The following CMSS1 variants were observed in gnomAD, a reference collection of about 807,000 sequenced individuals.
CMSS1 encodes the protein protein CMSS1.
CMSS1 carries 33 observed loss-of-function variants against 43.5 expected under a neutral mutation model. That is an observed-to-expected ratio of 0.76 (90% CI 0.57 to 1.01). The LOEUF (loss-of-function observed/expected upper bound fraction) is 1.01. Among genes scored for constraint, CMSS1 ranks in the 50% least tolerant of loss-of-function variants. The pLI is 0.00. For synonymous variants in CMSS1, 115 were observed against 117.2 expected (o/e 0.98, Z 0.12); for missense variants, 313 against 326.4 (o/e 0.96, Z 0.32).
intron 1 of CMSS1, among the ~76,000 whole-genome samples, chr3:99,934,478 A>G (rs1414087635): frequency 1.3e-5 from 2 of 152,280 alleles, no homozygotes; most frequent in African/African-American, 4.8e-5. Flanking sequence ...TCTTGCCCAC[A>G]TAGTCCTGTG....
intron 2 of CMSS1, among the ~76,000 whole-genome samples, chr3:100,148,261 T>G (rs949601511): frequency 6.6e-6 from 1 of 152,078 alleles, no homozygotes; most frequent in African/African-American, 2.4e-5. Flanking sequence ...TATCTTTTTG[T>G]AGAGATGAGA....
intron 1 of CMSS1, among the ~76,000 whole-genome samples, chr3:100,035,301 T>A (rs369549527): frequency 2.0e-5 from 3 of 152,150 alleles, no homozygotes; most frequent in East Asian, 3.8e-4. Context: ...TGAGACACAG[T>A]CTCACTCTGT....
chr3:99,927,684 A>G (rs1473880928), intron 1 of CMSS1, among the ~76,000 whole-genome samples: 4 of 152,166 alleles, frequency 2.6e-5, no homozygotes, highest in Non-Finnish European at 4.4e-5. Context: ...TTTCTATAAT[A>G]TATTTTTTGG....
Position 99,909,830 on chromosome 3 carries a change from T to C in CMSS1, c.64+91787T>C, listed in dbSNP as rs191754961. 7.9e-5 allele frequency among the ~76,000 whole-genome samples: 12 copies of C among 152,330 alleles called. No individual in the cohort carries two copies. In the East Asian group the frequency reaches 2.3e-3, roughly 29 times the overall value. On this transcript the variant is annotated intron_variant, in intron 1 of 9. Transcript: ENST00000421999. The stretch of plus-strand genomic sequence containing the variant: ...CTGCCTATTGAATTCTGAAATTGCA[T>C]GGAGAGTAGGTGATGAAAGTCACAG...
chr3:100,060,342 C>T (rs1264168966), intron 1 of CMSS1, among the ~76,000 whole-genome samples: 2 of 152,152 alleles, frequency 1.3e-5, no homozygotes, highest in Non-Finnish European at 2.9e-5. Flanking sequence ...ACCTCCTCTT[C>T]CATCCCTTTA....
Position 99,985,754 on chromosome 3 carries a change from G to T in CMSS1, c.65-161219G>T, listed in dbSNP as rs1029846946. ...CAGGCACCTGCTACCATGCCCAGCT[G>T]GTTTTTGTATTTTTACTAGAGATGG... On this transcript the variant is annotated intron_variant, in intron 1 of 9. Transcript: ENST00000421999. 3.3e-5 allele frequency among the ~76,000 whole-genome samples: 5 copies of T among 151,942 alleles called. No individual in the cohort carries two copies. The South Asian group carries it at 1.0e-3, about 32-fold the overall frequency.
At chr3:100,058,827 T>C (rs113367742) in intron 1 of CMSS1, among the ~76,000 whole-genome samples, 1 of 152,222 alleles carries the variant, frequency 6.6e-6, no homozygotes, top group Admixed American at 6.5e-5. Flanking sequence ...CAGTTTCATA[T>C]GTGAAGTTTA....
At chr3:99,866,478 G>A (rs111358437) in intron 1 of CMSS1, among the ~76,000 whole-genome samples, 1 of 152,170 alleles carries the variant, frequency 6.6e-6, no homozygotes, top group Non-Finnish European at 1.5e-5. Flanking sequence ...ATAGAAACAG[G>A]ATGGATAGCA....
intron 1 of CMSS1, among the ~76,000 whole-genome samples, chr3:99,878,521 TG>T (rs1423250889): frequency 6.6e-6 from 1 of 152,246 alleles, no homozygotes; most frequent in African/African-American, 2.4e-5. Context: ...CCTAATAGTT[TG>T]TTCAGAATCT....
At chr3:100,154,008 G>A (rs1416981572) in intron 2 of CMSS1, among the ~76,000 whole-genome samples, 1 of 151,898 alleles carries the variant, frequency 6.6e-6, no homozygotes, top group Non-Finnish European at 1.5e-5. Context: ...CTGCCATCAT[G>A]CCTGGCCAAT....
intron 1 of CMSS1, chr3:100,141,613 C>T (rs747690849): frequency 4.4e-6 from 2 of 452,368 alleles, no homozygotes; most frequent in Non-Finnish European, 8.9e-6. Flanking sequence ...ACTTCAGATA[C>T]TTATCAAAAA....
chr3:99,978,814 G>A (rs1260567856), intron 1 of CMSS1, among the ~76,000 whole-genome samples: 1 of 152,106 alleles, frequency 6.6e-6, no homozygotes, highest in Non-Finnish European at 1.5e-5. Flanking sequence ...GAACCCAGGA[G>A]GCGGAGGCTG....
intron 1 of CMSS1, among the ~76,000 whole-genome samples, chr3:99,932,834 T>G (rs956046975): frequency 2.0e-5 from 3 of 152,138 alleles, no homozygotes; most frequent in African/African-American, 7.2e-5. Context: ...GAGGTTGCAT[T>G]GAGCCAAGAT....
chr3:100,051,736 T>C (rs1464310886), intron 1 of CMSS1, among the ~76,000 whole-genome samples: 2 of 151,896 alleles, frequency 1.3e-5, no homozygotes, highest in Non-Finnish European at 2.9e-5. Context: ...GTGCCACATT[T>C]TCTTAATCTA....
At chr3:100,159,726 G>A (rs997949574) in intron 2 of CMSS1, 7 of 257,380 alleles carry the variant, frequency 2.7e-5, no homozygotes, top group Admixed American at 2.7e-4. Flanking sequence ...CAAATTTCCT[G>A]TTTTTCTACA....
At chr3:99,940,308 A>G (rs1707815253) in intron 1 of CMSS1, among the ~76,000 whole-genome samples, 1 of 152,252 alleles carries the variant, frequency 6.6e-6, no homozygotes, top group African/African-American at 2.4e-5. Flanking sequence ...CCTAGATCAG[A>G]GCTCTTGAAA....
Position 100,101,814 on chromosome 3 carries a change from C to T in CMSS1, c.65-45159C>T, listed in dbSNP as rs1027568027. 2.0e-5 allele frequency among the ~76,000 whole-genome samples: 3 copies of T among 152,092 alleles called. No individual in the cohort carries two copies. In the South Asian group the frequency reaches 6.2e-4, roughly 32 times the overall value. On this transcript the variant is annotated intron_variant, in intron 1 of 9. Transcript: ENST00000421999. Reference sequence around the variant, plus strand: ...GGCCCCAGTGTGTGATGTTCCCCTTCCTGTGTCCATGTGTTCTCATTGTTC... The same window carrying T: ...GGCCCCAGTGTGTGATGTTCCCCTTTCTGTGTCCATGTGTTCTCATTGTTC...
chr3:99,940,250 G>T (rs1185421152), intron 1 of CMSS1, among the ~76,000 whole-genome samples: 2 of 152,204 alleles, frequency 1.3e-5, no homozygotes, highest in Non-Finnish European at 2.9e-5. Context: ...TTATTTTTAT[G>T]TAGTCCAAGT....
rs535587509 is a variant in CMSS1, at chr3:99,852,298, C to G, written c.64+34255C>G. On this transcript the variant is annotated intron_variant, in intron 1 of 9. Transcript: ENST00000421999. Reference sequence around the variant, plus strand: ...TCATGGATGAAGTTATGACTACTTACATTCTGATAGGTATAGAGAATTCAT... The same window carrying G: ...TCATGGATGAAGTTATGACTACTTAGATTCTGATAGGTATAGAGAATTCAT... Among the ~76,000 whole-genome samples, 3 of 152,288 alleles carry G rather than the reference C, an allele frequency of 2.0e-5. No individual in the cohort carries two copies. In the South Asian group the frequency reaches 6.2e-4, roughly 32 times the overall value.
Sources: allele counts gnomAD v4.1 joint callset (sites outside exome capture counted in the v4.1 genomes callset), GRCh38; gene constraint gnomAD v4.1.1; transcripts MANE v1.5; gene names NCBI Gene and HGNC (gene_info 2026-07-23, HGNC 2026-07-21).